The following MYO1D variants were observed in gnomAD, a reference collection of about 807,000 sequenced individuals.
The protein encoded by MYO1D is myosin ID.
MYO1D carries 83 observed loss-of-function variants against 122.0 expected under a neutral mutation model. The observed-to-expected ratio is 0.68, with a 90% CI of 0.57 to 0.82. MYO1D has a LOEUF of 0.82. Ranked by LOEUF, MYO1D falls within the 40% of genes least tolerant of loss-of-function variation. The probability of loss-of-function intolerance (pLI) is 0.00; values close to 1 mark genes in which losing one functional copy is unlikely to be tolerated. For missense variants in MYO1D, 1,157 were observed against 1,269.5 expected, an observed-to-expected ratio of 0.91 and a Z score of 1.35; for synonymous variants, 464 against 446.9, an observed-to-expected ratio of 1.04 and a Z score of -0.48.
intron 1 of MYO1D, among the ~76,000 whole-genome samples, chr17:32,809,777 T>C (rs548931945): frequency 2.0e-5 from 3 of 152,188 alleles, no homozygotes; most frequent in East Asian, 3.9e-4. Context: ...TCATGCAGAG[T>C]TTCTGTGCTC....
intron 14 of MYO1D, among the ~76,000 whole-genome samples, chr17:32,730,999 C>T (rs1434922647): frequency 2.0e-5 from 3 of 151,810 alleles, no homozygotes; most frequent in Non-Finnish European, 4.4e-5. Flanking sequence ...CTCTGCCTCC[C>T]GGGTTCAAGC....
chr17:32,848,654 C>T (rs1185517065), intron 1 of MYO1D, among the ~76,000 whole-genome samples: 3 of 152,130 alleles, frequency 2.0e-5, no homozygotes, highest in South Asian at 2.1e-4. Context: ...GGATTTAAAA[C>T]GGATTCACTC....
intron 11 of MYO1D, among the ~76,000 whole-genome samples, chr17:32,752,953 G>T (rs1200853941): frequency 1.3e-5 from 2 of 152,068 alleles, no homozygotes; most frequent in African/African-American, 2.4e-5. Context: ...ATAACGAAAA[G>T]ATATTTGTAC....
chr17:32,848,394 T>C (rs767667842), intron 1 of MYO1D, among the ~76,000 whole-genome samples: 2 of 152,198 alleles, frequency 1.3e-5, no homozygotes, highest in East Asian at 1.9e-4. Flanking sequence ...ATAAGGCAAA[T>C]GTCAAACAAT....
At position 32,658,056 on chromosome 17, in the gene MYO1D, A is replaced by G. The variant is rs374567144; in HGVS notation, c.2345+1059T>C. On this transcript the variant is annotated intron_variant, in intron 17 of 21. Transcript: ENST00000318217. ...TGCCAAGATTGAAAACTAATTATTTATAGTACTATATCTGAGAACTGAAGG... is the reference window on the plus strand; with the variant it reads ...TGCCAAGATTGAAAACTAATTATTTGTAGTACTATATCTGAGAACTGAAGG... Among the ~76,000 whole-genome samples the G allele has an allele frequency of 7.4e-4, 113 of 152,350 alleles. 2 individuals are homozygous for G. In the South Asian group the frequency reaches 0.012, roughly 16 times the overall value.
In MYO1D at chr17:32,544,552, G is replaced by A. The variant is rs148957835; in HGVS notation, c.2865-49637C>T. Among the ~76,000 whole-genome samples, 594 of 152,290 alleles carry A rather than the reference G, an allele frequency of 3.9e-3. 3 individuals carry two copies. Among genetic ancestry groups the A allele is most frequent in the African/African-American group, 0.014 (567 of 41,568 alleles). On this transcript the variant is annotated intron_variant, in intron 21 of 21. Transcript: ENST00000318217. ...TGGTAAAAGTTCTGTTGCTGACCAC[G>A]TCTTATGAAGGTACTCTTAGAGAAT...
At chr17:32,858,225 T>C (rs2091042948) in intron 1 of MYO1D, among the ~76,000 whole-genome samples, 1 of 152,210 alleles carries the variant, frequency 6.6e-6, no homozygotes, top group Non-Finnish European at 1.5e-5. Context: ...TTACCTTCTT[T>C]GGGAACCATT....
intron 16 of MYO1D, among the ~76,000 whole-genome samples, chr17:32,698,876 TA>T: frequency 6.6e-6 from 1 of 152,296 alleles, no homozygotes; most frequent in South Asian, 2.1e-4. Flanking sequence ...ATTTAACAAA[TA>T]AATATAAGAA....
intron 10 of MYO1D, among the ~76,000 whole-genome samples, chr17:32,757,162 A>G (rs541305344): frequency 6.6e-6 from 1 of 152,268 alleles, no homozygotes; most frequent in Non-Finnish European, 1.5e-5. Flanking sequence ...TTATTTGTAC[A>G]TGGCTTTTAG....
chr17:32,874,202 A>C (rs2091206853), intron 1 of MYO1D, among the ~76,000 whole-genome samples: 1 of 151,904 alleles, frequency 6.6e-6, no homozygotes, highest in South Asian at 2.1e-4. Context: ...CTTGACAAAT[A>C]ATCACCTAAG....
intron 16 of MYO1D, among the ~76,000 whole-genome samples, chr17:32,681,569 G>A (rs1362167713): frequency 2.6e-5 from 4 of 151,652 alleles, no homozygotes; most frequent in African/African-American, 4.9e-5. Flanking sequence ...GCTTTGAGTG[G>A]GATTCTTAAT....
intron 1 of MYO1D, among the ~76,000 whole-genome samples, chr17:32,803,595 A>C (rs893487986): frequency 3.3e-5 from 5 of 152,244 alleles, no homozygotes; most frequent in Non-Finnish European, 7.3e-5. Context: ...ATCAGCTGAC[A>C]GGTGTAATAA....
chr17:32,635,378 T>C (rs1230697326), intron 20 of MYO1D, among the ~76,000 whole-genome samples: 1 of 152,154 alleles, frequency 6.6e-6, no homozygotes, highest in Admixed American at 6.5e-5. Context: ...TGGGATTTGA[T>C]TCCCTTACTA....
intron 10 of MYO1D, 193 bp downstream of exon 10, chr17:32,760,097 A>C (rs1293554290): frequency 2.1e-5 from 15 of 715,586 alleles, no homozygotes; most frequent in Non-Finnish European, 3.8e-5. Context: ...GGCATCAACA[A>C]GGCAGTCTAT....
chr17:32,615,695 T>C (rs2087761447), intron 20 of MYO1D, among the ~76,000 whole-genome samples: 1 of 152,218 alleles, frequency 6.6e-6, no homozygotes, highest in Non-Finnish European at 1.5e-5. Flanking sequence ...GTTAAAACCT[T>C]AGAAAGATCG....
intron 4 of MYO1D, among the ~76,000 whole-genome samples, chr17:32,774,600 A>C (rs189127549): frequency 6.6e-6 from 1 of 152,338 alleles, no homozygotes; most frequent in East Asian, 1.9e-4. Context: ...AGATGGTTCC[A>C]AAAATACTGC....
At chr17:32,809,232 C>T (rs771474193) in intron 1 of MYO1D, among the ~76,000 whole-genome samples, 1 of 151,942 alleles carries the variant, frequency 6.6e-6, no homozygotes, top group Non-Finnish European at 1.5e-5. Flanking sequence ...AATCATCCCA[C>T]CTCAGCCTCC....
chr17:32,533,817 C>A (rs1294679364), intron 21 of MYO1D, among the ~76,000 whole-genome samples: 3 of 151,990 alleles, frequency 2.0e-5, no homozygotes, highest in Non-Finnish European at 4.4e-5. Flanking sequence ...TTTGAAGTTA[C>A]CCTAAAAAAA....
In MYO1D at chr17:32,508,687, C is replaced by T. The variant is rs139136997; in HGVS notation, c.2865-13772G>A. Among the ~76,000 whole-genome samples the T allele has an allele frequency of 3.5e-3, 526 of 152,236 alleles. 5 individuals carry two copies. The highest frequency in any genetic ancestry group is 5.2e-3 in the South Asian group (25 of 4,824). ...ATCAATTCACGGACTTACTACAGCA[C>T]GAGGTGAATTTCCTTTTCAGAAGAG... On this transcript the variant is annotated intron_variant, in intron 21 of 21. Transcript: ENST00000318217.
Sources: gnomAD v4.1 joint callset for allele counts (sites outside exome capture counted in the v4.1 genomes callset) on GRCh38, gnomAD v4.1.1 for gene constraint, MANE v1.5 for transcripts, NCBI Gene and HGNC (gene_info 2026-07-23, HGNC 2026-07-21) for gene names.